GRM7: variants seen among roughly 807,000 people sequenced by gnomAD.
GRM7 encodes glutamate metabotropic receptor 7.
In GRM7, 35 loss-of-function variants were observed where a neutral mutation model predicts 84.5. That is an observed-to-expected ratio of 0.41 (90% confidence interval 0.32 to 0.55). GRM7 has a LOEUF of 0.55. Ranked by LOEUF, GRM7 falls within the 20% of genes least tolerant of loss-of-function variation. The pLI, the probability that GRM7 is intolerant of heterozygous loss-of-function variation, is 0.19. For synonymous variants in GRM7, 487 were observed against 455.1 expected, an observed-to-expected ratio of 1.07 and a Z score of -0.89; for missense variants, 1,003 against 1,194.6, an observed-to-expected ratio of 0.84 and a Z score of 2.36.
At chr3:7,557,213 G>A (rs565572883) in intron 7 of GRM7, among the ~76,000 whole-genome samples, 2 of 152,180 alleles carry the variant, frequency 1.3e-5, no homozygotes. Flanking sequence ...GGGAGGTAAT[G>A]GTGCAAAAGG....
At chr3:6,951,052 C>T (rs1189412586) in intron 1 of GRM7, among the ~76,000 whole-genome samples, 1 of 152,172 alleles carries the variant, frequency 6.6e-6, no homozygotes, top group East Asian at 1.9e-4. Flanking sequence ...CAGTGCGCTG[C>T]ACCCACTGTC....
chr3:7,110,539 G>A (rs1277110803), intron 1 of GRM7, among the ~76,000 whole-genome samples: 2 of 151,708 alleles, frequency 1.3e-5, no homozygotes, highest in African/African-American at 4.8e-5. Context: ...AGATTGCAGT[G>A]AGCCAAGATT....
chr3:6,952,139 G>A (rs1692803989), intron 1 of GRM7, among the ~76,000 whole-genome samples: 1 of 151,938 alleles, frequency 6.6e-6, no homozygotes, highest in African/African-American at 2.4e-5. Context: ...ATATTACTTG[G>A]GAAACAGTTT....
intron 9 of GRM7, among the ~76,000 whole-genome samples, chr3:7,730,863 A>G (rs976426716): frequency 4.6e-5 from 7 of 152,256 alleles, no homozygotes; most frequent in African/African-American, 7.2e-5. Flanking sequence ...CCCAAAGTGC[A>G]TAAGAAAAAG....
chr3:7,056,130 G>T (rs923870239), intron 1 of GRM7, among the ~76,000 whole-genome samples: 1 of 151,984 alleles, frequency 6.6e-6, no homozygotes, highest in Non-Finnish European at 1.5e-5. Context: ...TCAGAGACCA[G>T]CACACTGACT....
At chr3:7,019,263 G>A (rs1458967863) in intron 1 of GRM7, among the ~76,000 whole-genome samples, 1 of 152,080 alleles carries the variant, frequency 6.6e-6, no homozygotes, top group East Asian at 1.9e-4. Flanking sequence ...TCCCATCAGA[G>A]TCACACAATG....
intron 2 of GRM7, among the ~76,000 whole-genome samples, chr3:7,244,079 C>A (rs1225288899): frequency 6.6e-6 from 1 of 151,992 alleles, no homozygotes; most frequent in African/African-American, 2.4e-5. Context: ...TACTATACAC[C>A]ACTGTAGACT....
intron 1 of GRM7, among the ~76,000 whole-genome samples, chr3:7,074,830 A>G (rs1160405819): frequency 1.3e-5 from 2 of 152,286 alleles, no homozygotes; most frequent in Admixed American, 1.3e-4. Flanking sequence ...ATGGCTTCCA[A>G]GTTTAAATGC....
intron 9 of GRM7, among the ~76,000 whole-genome samples, chr3:7,686,933 A>G (rs1348937426): frequency 6.6e-6 from 1 of 152,228 alleles, no homozygotes; most frequent in Non-Finnish European, 1.5e-5. Context: ...CTAAAAAAGT[A>G]TCCATTGAAA....
intron 1 of GRM7, among the ~76,000 whole-genome samples, chr3:7,103,385 A>C (rs375560601): frequency 1.3e-5 from 2 of 151,832 alleles, no homozygotes; most frequent in African/African-American, 4.8e-5. Context: ...GATAGTGGGC[A>C]GAAGCTGAAA....
At chr3:6,900,578 T>C (rs11720594) in intron 1 of GRM7, among the ~76,000 whole-genome samples, 1 of 152,120 alleles carries the variant, frequency 6.6e-6, no homozygotes, top group South Asian at 2.1e-4. Context: ...AAAAATTATA[T>C]TAACATCTGT....
chr3:7,169,741 A>C (rs1021050674), intron 2 of GRM7, among the ~76,000 whole-genome samples: 1 of 152,174 alleles, frequency 6.6e-6, no homozygotes, highest in Non-Finnish European at 1.5e-5. Flanking sequence ...AGGAGACATT[A>C]TTATTTTGAT....
In GRM7 at chr3:6,870,013, CTCT is replaced by C. The variant is rs1453019066; in HGVS notation, c.519+8111_519+8113del. Among the ~76,000 whole-genome samples, 14 of 152,006 alleles carry C rather than the reference CTCT, an allele frequency of 9.2e-5. No homozygotes were observed. In the East Asian group the frequency reaches 2.7e-3, roughly 29 times the overall value. The stretch of plus-strand genomic sequence containing the variant: ...AAGCTCTCTCTCTCCTTCTCCTTTC[CTCT>C]TCTTTTTTTTTTCTTTTTGCTTCTC... On this transcript the variant is annotated intron_variant, in intron 1 of 9. Coordinates refer to ENST00000357716, the MANE Select transcript of GRM7 (RefSeq NM_000844.4).
intron 7 of GRM7, among the ~76,000 whole-genome samples, chr3:7,483,989 T>G (rs113950617): frequency 2.6e-5 from 4 of 152,306 alleles, no homozygotes; most frequent in African/African-American, 9.6e-5. Flanking sequence ...GAGATTAATA[T>G]AATTGAATAT....
At chr3:7,612,390 A>T (rs1303025179) in intron 8 of GRM7, among the ~76,000 whole-genome samples, 1 of 152,214 alleles carries the variant, frequency 6.6e-6, no homozygotes, top group Non-Finnish European at 1.5e-5. Context: ...CCCTGGGCTA[A>T]GATGTGGAGA....
chr3:7,372,950 T>C (rs993344245), intron 4 of GRM7, among the ~76,000 whole-genome samples: 10 of 152,090 alleles, frequency 6.6e-5, no homozygotes, highest in Non-Finnish European at 1.5e-4. Context: ...ACGAGAAACC[T>C]CATGTAATAT....
At chr3:7,330,925 C>T (rs1381520663) in intron 4 of GRM7, among the ~76,000 whole-genome samples, 1 of 152,054 alleles carries the variant, frequency 6.6e-6, no homozygotes, top group Non-Finnish European at 1.5e-5. Context: ...TTCCAATTAC[C>T]TTATCTCACC....
Position 6,861,327 on chromosome 3 carries a change from C to T in GRM7, c.-62C>T, listed in dbSNP as rs1018071024. 8 of 1,402,098 alleles carry T rather than the reference C, an allele frequency of 5.7e-6. No individual in the cohort carries two copies. The highest frequency in any genetic ancestry group is 2.6e-4 in the Middle Eastern group (1 of 3,840). 86.9% of individuals were successfully genotyped at this position (1,402,098 alleles called of 1,614,324 possible). A position where few individuals can be genotyped will look rare whatever the true frequency, so the allele number is the denominator to read the frequency against. ...GGAGCTCGCCCTGAAGGGCCCGGAC[C>T]TCGGCGAGCCCACCACCGTTCCCTC... On this transcript the variant is annotated 5_prime_UTR_variant, in exon 1 of 10. Coordinates refer to ENST00000357716, the MANE Select transcript of GRM7 (RefSeq NM_000844.4). This position sits in a 1 kb window ranked among gnomAD's most constrained non-coding sequence, Gnocchi z 6.4.
chr3:7,278,827 T>C (rs6443099), intron 2 of GRM7, among the ~76,000 whole-genome samples: 62,534 of 151,990 alleles, frequency 0.41, 13,216 homozygotes, highest in Admixed American at 0.52. Context: ...CTTCACTGAA[T>C]GGATAGATAC....
Sources: allele counts gnomAD v4.1 joint callset (sites outside exome capture counted in the v4.1 genomes callset), GRCh38; gene constraint gnomAD v4.1.1; non-coding constraint Gnocchi (gnomAD v3.1); transcripts MANE v1.5; gene names NCBI Gene and HGNC (gene_info 2026-07-23, HGNC 2026-07-21).